BECN2: variants seen among roughly 807,000 people sequenced by gnomAD.
BECN2 encodes beclin 2.
For missense variants in BECN2, 428 were observed against 507.9 expected (o/e 0.84, Z 1.51); for synonymous variants, 173 against 220.1 (o/e 0.79, Z 1.90).
Position 241,958,203 on chromosome 1 carries a change from G to T in BECN2, c.437G>T (p.Cys146Phe). 1 of 1,232,542 alleles carries T rather than the reference G, an allele frequency of 8.1e-7. No individual in the cohort carries two copies. The highest frequency in any genetic ancestry group is 4.2e-5 in the Admixed American group (1 of 23,730). 76.4% of individuals were successfully genotyped at this position (1,232,542 alleles called of 1,614,324 possible). A position where few individuals can be genotyped will look rare whatever the true frequency, so the allele number is the denominator to read the frequency against. The change falls in exon 1 of 1, where the codon TGC (cysteine) becomes TTC (phenylalanine). Residue 146 changes from cysteine to phenylalanine, a missense_variant. By Grantham distance (205) the Cys-to-Phe change is radical (BLOSUM62 -2). Coordinates refer to ENST00000419583, the MANE Select transcript of BECN2 (RefSeq NM_001290693.1). ...GCTGACAGTCAGAACTACCAACGCTGCCTGGAGACCGGGGAGCTGGCGACC... is the reference window on the plus strand; with the variant it reads ...GCTGACAGTCAGAACTACCAACGCTTCCTGGAGACCGGGGAGCTGGCGACC... ...TEADSQNYQR[C>F]LETGELATSE...
At position 241,957,996 on chromosome 1, in the gene BECN2, A is replaced by G. The variant is rs533846102; in HGVS notation, c.230A>G (p.His77Arg). 3.2e-6 allele frequency: 4 copies of G among 1,231,934 alleles called. No homozygotes were observed. The East Asian group carries it at 1.3e-4, about 39-fold the overall frequency. The allele number at this position is 1,231,934 out of a possible 1,614,324, so 76.3% of individuals were successfully genotyped here. ...GGCGATGGCAGTGTGTCCAAGGGCC[A>G]TGCCAACATCTTCACCCTGCTGGGG... ...PPGDGSVSKG[H>R]ANIFTLLGEL... is the part of the protein sequence containing the mutation. The change falls in exon 1 of 1, where the codon CAT becomes CGT. Residue 77 changes from histidine (H) to arginine (R), a missense_variant. Coordinates refer to ENST00000419583, the MANE Select transcript of BECN2 (RefSeq NM_001290693.1).
rs986659220 is a variant in BECN2 at position 241,958,697 on chromosome 1, C to G, written c.931C>G (p.Arg311Gly). The change falls in exon 1 of 1, where the codon CGA (arginine) becomes GGA (glycine). Residue 311 changes from arginine (R) to glycine (G), a missense_variant. Coordinates refer to ENST00000419583, the MANE Select transcript of BECN2 (RefSeq NM_001290693.1). ...NTIGLQFQRY[R>G]LIPCGNHSYL... is the part of the protein sequence containing the mutation. ...AATTGGACTGCAGTTTCAGAGGTAT[C>G]GACTCATCCCCTGCGGAAACCATTC... 78 of 1,231,684 alleles carry G rather than the reference C, an allele frequency of 6.3e-5. No individual in the cohort carries two copies. Among genetic ancestry groups the G allele is most frequent in the Non-Finnish European group, 7.1e-5 (70 of 988,042 alleles). The allele number at this position is 1,231,684 out of a possible 1,614,324, so 76.3% of individuals were successfully genotyped here. A position where few individuals can be genotyped will look rare whatever the true frequency, so the allele number is the denominator to read the frequency against.
In BECN2 at chr1:241,958,776, G is replaced by C. The variant is rs1664471609; in HGVS notation, c.1010G>C (p.Gly337Ala). The C allele has an allele frequency of 8.1e-7, 1 of 1,231,794 alleles. No homozygotes were observed. The highest frequency in any genetic ancestry group is 1.0e-6 in the Non-Finnish European group (1 of 988,056). 76.3% of individuals were successfully genotyped at this position (1,231,794 alleles called of 1,614,324 possible). The change falls in exon 1 of 1, where the codon GGG (glycine) becomes GCG (alanine). Residue 337 changes from glycine to alanine, a missense_variant. By Grantham distance (60) the Gly-to-Ala change is moderately conservative (BLOSUM62 0). Coordinates refer to ENST00000419583, the MANE Select transcript of BECN2 (RefSeq NM_001290693.1). Reference sequence around the variant, plus strand: ...ACTGAGCTGCCGTTGTTCTGTTATGGGGGGCAGGATGTTTTCCTCAATAAC... The same window carrying C: ...ACTGAGCTGCCGTTGTTCTGTTATGCGGGGCAGGATGTTTTCCTCAATAAC... Reference protein sequence around the residue: ...DRTELPLFCYGGQDVFLNNKY... With the variant: ...DRTELPLFCYAGQDVFLNNKY...
chr1:241,958,800 A>G lies in BECN2; in HGVS notation c.1034A>G (p.Asn345Ser), dbSNP rs746987951. ...CYGGQDVFLN[N>S]KYDRAMVAFL... ...GGGGGGCAGGATGTTTTCCTCAATA[A>G]CAAGTATGACCGCGCGATGGTGGCC... Residue 345 changes from asparagine (N) to serine (S), a missense_variant, in exon 1 of 1, where the codon AAC (asparagine) becomes AGC (serine). Transcript: ENST00000419583. 2.1e-5 allele frequency: 26 copies of G among 1,231,670 alleles called. No homozygotes were observed. The highest frequency in any genetic ancestry group is 8.5e-5 in the Admixed American group (2 of 23,658). 76.3% of individuals were successfully genotyped at this position (1,231,670 alleles called of 1,614,324 possible).
At position 241,958,099 on chromosome 1, in the gene BECN2, A is replaced by G. The variant is rs1321175615; in HGVS notation, c.333A>G (p.Ala111=). Residue 111 remains alanine (A), a synonymous_variant, in exon 1 of 1, where the codon GCA becomes GCG. Coordinates refer to ENST00000419583, the MANE Select transcript of BECN2 (RefSeq NM_001290693.1). ...GDIFDIVSGQ[A]VVDHPLCEEC... is the part of the protein sequence containing the mutation. ...TTTTTGACATAGTCTCTGGCCAAGC[A>G]GTTGTGGACCATCCCCTGTGTGAAG... 3.2e-6 allele frequency: 4 copies of G among 1,231,808 alleles called. No individual in the cohort carries two copies. The East Asian group carries it at 1.3e-4, about 39-fold the overall frequency. 76.3% of individuals were successfully genotyped at this position (1,231,808 alleles called of 1,614,324 possible).
Position 241,958,889 on chromosome 1 carries a change from C to G in BECN2, c.1123C>G (p.Pro375Ala). 1 of 1,231,862 alleles carries G rather than the reference C, an allele frequency of 8.1e-7. No homozygotes were observed. Among genetic ancestry groups the G allele is most frequent in the Admixed American group, 4.2e-5 (1 of 23,700 alleles). The allele number at this position is 1,231,862 out of a possible 1,614,324, so 76.3% of individuals were successfully genotyped here. The change falls in exon 1 of 1, where the codon CCC becomes GCC. Residue 375 changes from proline to alanine, a missense_variant. Physicochemically the swap from Pro to Ala is conservative, Grantham distance 27. Transcript: ENST00000419583. ...AEKGELGLSL[P>A]YGIQVETGLM... ...GAAGGGTGAGCTGGGCCTCTCTCTG[C>G]CCTACGGGATCCAGGTGGAGACAGG...
chr1:241,958,786 T>G lies in BECN2; in HGVS notation c.1020T>G (p.Asp340Glu). 1 of 1,231,808 alleles carries G rather than the reference T, an allele frequency of 8.1e-7. No individual in the cohort carries two copies. The highest frequency in any genetic ancestry group is 1.0e-6 in the Non-Finnish European group (1 of 988,040). 76.3% of individuals were successfully genotyped at this position (1,231,808 alleles called of 1,614,324 possible). A position where few individuals can be genotyped will look rare whatever the true frequency, so the allele number is the denominator to read the frequency against. ...ELPLFCYGGQ[D>E]VFLNNKYDRA... ...CGTTGTTCTGTTATGGGGGGCAGGA[T>G]GTTTTCCTCAATAACAAGTATGACC... Residue 340 changes from aspartate to glutamate, a missense_variant, in exon 1 of 1, where the codon GAT (aspartate) becomes GAG (glutamate). Asp to Glu is a conservative substitution (Grantham distance 45). Transcript: ENST00000419583.
At position 241,958,213 on chromosome 1, in the gene BECN2, C is replaced by A; in HGVS notation, c.447C>A (p.Thr149=). The change falls in exon 1 of 1, where the codon ACC becomes ACA. Residue 149 remains threonine, a synonymous_variant. Coordinates refer to ENST00000419583, the MANE Select transcript of BECN2 (RefSeq NM_001290693.1). ...AGAACTACCAACGCTGCCTGGAGAC[C>A]GGGGAGCTGGCGACCAGCGAGGACG... ...DSQNYQRCLE[T]GELATSEDEA... 8.1e-7 allele frequency: 1 copy of A among 1,232,570 alleles called. No individual in the cohort carries two copies. The highest frequency in any genetic ancestry group is 1.0e-6 in the Non-Finnish European group (1 of 988,518). 76.4% of individuals were successfully genotyped at this position (1,232,570 alleles called of 1,614,324 possible).
chr1:241,958,988 A>G lies in BECN2; in HGVS notation c.1222A>G (p.Thr408Ala). 8 of 1,231,752 alleles carry G rather than the reference A, an allele frequency of 6.5e-6. No homozygotes were observed. In the East Asian group the frequency reaches 9.5e-5, roughly 15 times the overall value. 76.3% of individuals were successfully genotyped at this position (1,231,752 alleles called of 1,614,324 possible). Reference protein sequence around the residue: ...RTHLNTQELWTKALKFMLINF... With the variant: ...RTHLNTQELWAKALKFMLINF... ...CCATCTGAACACGCAGGAGCTGTGG[A>G]CAAAGGCACTCAAGTTCATGCTTAT... Residue 408 changes from threonine (T) to alanine (A), a missense_variant, in exon 1 of 1, where the codon ACA (threonine) becomes GCA (alanine). By Grantham distance (58) the Thr-to-Ala change is moderately conservative. Coordinates refer to ENST00000419583, the MANE Select transcript of BECN2 (RefSeq NM_001290693.1).
In BECN2 at chr1:241,958,243, G is replaced by A. The variant is rs1664459388; in HGVS notation, c.477G>A (p.Ala159=). The A allele has an allele frequency of 1.6e-6, 2 of 1,233,976 alleles. No individual in the cohort carries two copies. The highest frequency in any genetic ancestry group is 4.2e-5 in the Admixed American group (1 of 23,724). 76.4% of individuals were successfully genotyped at this position (1,233,976 alleles called of 1,614,324 possible). A position where few individuals can be genotyped will look rare whatever the true frequency, so the allele number is the denominator to read the frequency against. The change falls in exon 1 of 1, where the codon GCG becomes GCA. Residue 159 remains alanine, a synonymous_variant. Transcript: ENST00000419583. ...TGELATSEDE[A]AALRAELRDL... ...AGCTGGCGACCAGCGAGGACGAGGC[G>A]GCGGCGCTGCGGGCGGAGCTGCGGG...
Position 241,958,339 on chromosome 1 carries a change from G to A in BECN2, c.573G>A (p.Ala191=), listed in dbSNP as rs976320683. The A allele has an allele frequency of 5.7e-6, 7 of 1,233,266 alleles. No individual in the cohort carries two copies. Among genetic ancestry groups the A allele is most frequent in the Middle Eastern group, 3.1e-4 (1 of 3,212 alleles). The allele number at this position is 1,233,266 out of a possible 1,614,324, so 76.4% of individuals were successfully genotyped here. The change falls in exon 1 of 1, where the codon GCG becomes GCA. Residue 191 remains alanine (A), a synonymous_variant. Transcript: ENST00000419583. ...EDVDRNNARA[A]ADLQAAQAEA... ...TGGACAGGAACAATGCAAGAGCAGC[G>A]GCGGATCTCCAGGCAGCCCAGGCAG...
rs537874120 is a variant in BECN2, at chr1:241,957,800, C to T, written c.34C>T (p.His12Tyr). The T allele has an allele frequency of 8.1e-7, 1 of 1,231,834 alleles. No homozygotes were observed. The highest frequency in any genetic ancestry group is 3.2e-5 in the East Asian group (1 of 31,702). The allele number at this position is 1,231,834 out of a possible 1,614,324, so 76.3% of individuals were successfully genotyped here. A position where few individuals can be genotyped will look rare whatever the true frequency, so the allele number is the denominator to read the frequency against. ...SSIRFLCQRC[H>Y]QALKLSGSSE... ...CATCCGCTTCCTGTGCCAGCGCTGC[C>T]ACCAGGCCCTGAAGCTGAGCGGCTC... Residue 12 changes from histidine (H) to tyrosine (Y), a missense_variant, in exon 1 of 1, where the codon CAC becomes TAC. By Grantham distance (83) the His-to-Tyr change is moderately conservative (BLOSUM62 2). Coordinates refer to ENST00000419583, the MANE Select transcript of BECN2 (RefSeq NM_001290693.1).
Position 241,958,568 on chromosome 1 carries a change from A to C in BECN2, c.802A>C (p.Asn268His). ...GGTGGAGGGCCCCTTGGGCGTCATCAATAACTTCAGGTTGGGCCGCCTCCC... is the reference window on the plus strand; with the variant it reads ...GGTGGAGGGCCCCTTGGGCGTCATCCATAACTTCAGGTTGGGCCGCCTCCC... Reference protein sequence around the residue: ...IWVEGPLGVINNFRLGRLPTV... With the variant: ...IWVEGPLGVIHNFRLGRLPTV... Residue 268 changes from asparagine (N) to histidine (H), a missense_variant, in exon 1 of 1, where the codon AAT (asparagine) becomes CAT (histidine). Coordinates refer to ENST00000419583, the MANE Select transcript of BECN2 (RefSeq NM_001290693.1). 4 of 1,231,800 alleles carry C rather than the reference A, an allele frequency of 3.2e-6. No homozygotes were observed. The highest frequency in any genetic ancestry group is 4.0e-6 in the Non-Finnish European group (4 of 988,040). 76.3% of individuals were successfully genotyped at this position (1,231,800 alleles called of 1,614,324 possible). A position where few individuals can be genotyped will look rare whatever the true frequency, so the allele number is the denominator to read the frequency against.
In BECN2 at chr1:241,958,450, G is replaced by C. The variant is rs1053034798; in HGVS notation, c.684G>C (p.Gln228His). The C allele has an allele frequency of 6.5e-6, 8 of 1,231,800 alleles. No homozygotes were observed. The African/African-American group carries it at 1.2e-4, about 19-fold the overall frequency. 76.3% of individuals were successfully genotyped at this position (1,231,800 alleles called of 1,614,324 possible). ...LKRQQLELLD[Q>H]LGNVENQLQY... Reference sequence around the variant, plus strand: ...GGCAGCAGCTGGAACTGCTTGATCAGCTGGGGAACGTGGAGAACCAGCTGC... The same window carrying C: ...GGCAGCAGCTGGAACTGCTTGATCACCTGGGGAACGTGGAGAACCAGCTGC... The change falls in exon 1 of 1, where the codon CAG becomes CAC. Residue 228 changes from glutamine (Q) to histidine (H), a missense_variant. Gln to His is a conservative substitution (Grantham distance 24). Transcript: ENST00000419583.
Position 241,958,750 on chromosome 1 carries a change from C to T in BECN2, c.984C>T (p.Arg328=). ...ATCTGAAGTCTTTAACAGATGACCG[C>T]ACTGAGCTGCCGTTGTTCTGTTATG... ...HSYLKSLTDD[R]TELPLFCYGG... is the part of the protein sequence containing the mutation. The change falls in exon 1 of 1, where the codon CGC becomes CGT. Residue 328 remains arginine, a synonymous_variant. Transcript: ENST00000419583. The T allele has an allele frequency of 8.1e-7, 1 of 1,231,806 alleles. No homozygotes were observed. 76.3% of individuals were successfully genotyped at this position (1,231,806 alleles called of 1,614,324 possible).
rs1231654376 is a variant in BECN2, at chr1:241,958,895, G to A, written c.1129G>A (p.Gly377Arg). 4 of 1,231,868 alleles carry A rather than the reference G, an allele frequency of 3.2e-6. No homozygotes were observed. In the East Asian group the frequency reaches 9.5e-5, roughly 29 times the overall value. 76.3% of individuals were successfully genotyped at this position (1,231,868 alleles called of 1,614,324 possible). ...TGAGCTGGGCCTCTCTCTGCCCTACGGGATCCAGGTGGAGACAGGCCTGAT... is the reference window on the plus strand; with the variant it reads ...TGAGCTGGGCCTCTCTCTGCCCTACAGGATCCAGGTGGAGACAGGCCTGAT... ...KGELGLSLPYGIQVETGLMED... is the reference protein window; with the variant it reads ...KGELGLSLPYRIQVETGLMED... The change falls in exon 1 of 1, where the codon GGG (glycine) becomes AGG (arginine). Residue 377 changes from glycine (G) to arginine (R), a missense_variant. By Grantham distance (125) the Gly-to-Arg change is moderately radical. Transcript: ENST00000419583.
In BECN2 at chr1:241,958,929, T is replaced by C. The variant is rs995512157; in HGVS notation, c.1163T>C (p.Val388Ala). ...GTGGAGACAGGCCTGATGGAGGACGTTGGCGGCCGAGGGGAATGCTATTCC... is the reference window on the plus strand; with the variant it reads ...GTGGAGACAGGCCTGATGGAGGACGCTGGCGGCCGAGGGGAATGCTATTCC... ...IQVETGLMED[V>A]GGRGECYSIR... Residue 388 changes from valine (V) to alanine (A), a missense_variant, in exon 1 of 1, where the codon GTT (valine) becomes GCT (alanine). Transcript: ENST00000419583. The C allele has an allele frequency of 2.4e-6, 3 of 1,231,740 alleles. No homozygotes were observed. Among genetic ancestry groups the C allele is most frequent in the South Asian group, 8.2e-5 (2 of 24,316 alleles). 76.3% of individuals were successfully genotyped at this position (1,231,740 alleles called of 1,614,324 possible).
chr1:241,958,758 TG>T, the BECN2 span: 2 of 1,231,838 alleles, frequency 1.6e-6, no homozygotes, highest in Non-Finnish European at 1.0e-6. Flanking sequence ...CGCACTGAGC[TG>T]CCGTTGTTCT....
Position 241,958,457 on chromosome 1 carries a change from A to G in BECN2, c.691A>G (p.Asn231Asp), listed in dbSNP as rs1574223346. The change falls in exon 1 of 1, where the codon AAC becomes GAC. Residue 231 changes from asparagine (N) to aspartate (D), a missense_variant. Coordinates refer to ENST00000419583, the MANE Select transcript of BECN2 (RefSeq NM_001290693.1). The stretch of plus-strand genomic sequence containing the variant: ...GCTGGAACTGCTTGATCAGCTGGGG[A>G]ACGTGGAGAACCAGCTGCAGTATGC... ...QQLELLDQLG[N>D]VENQLQYARV... The G allele has an allele frequency of 8.1e-7, 1 of 1,231,730 alleles. No individual in the cohort carries two copies. The highest frequency in any genetic ancestry group is 1.0e-6 in the Non-Finnish European group (1 of 987,984). 76.3% of individuals were successfully genotyped at this position (1,231,730 alleles called of 1,614,324 possible).
Sources: allele counts gnomAD v4.1 joint callset, GRCh38; gene constraint gnomAD v4.1.1; transcripts MANE v1.5; gene names NCBI Gene and HGNC (gene_info 2026-07-23, HGNC 2026-07-21).